AXL: variants seen among roughly 807,000 people sequenced by gnomAD.
The protein encoded by AXL is AXL receptor tyrosine kinase.
In AXL, 52 loss-of-function variants were observed where a neutral mutation model predicts 104.5. The observed-to-expected ratio is 0.50, with a 90% CI of 0.40 to 0.63. The LOEUF (loss-of-function observed/expected upper bound fraction) is 0.63, where lower values mean the gene tolerates loss of function less well. Ranked by LOEUF, AXL falls within the 20% of genes least tolerant of loss-of-function variation. The pLI is 0.00. For missense variants in AXL, 1,024 were observed against 1,188.5 expected (o/e 0.86, Z 2.04); for synonymous variants, 455 against 473.7 (o/e 0.96, Z 0.51).
At chr19:41,231,392 G>C (rs1214627883) in intron 6 of AXL, 94 bp downstream of exon 6, 1 of 1,172,270 alleles carries the variant, frequency 8.5e-7, no homozygotes, top group African/African-American at 1.5e-5. Flanking sequence ...ACCACTTCTC[G>C]GCCACTGTTG....
At chr19:41,225,850 G>T (rs572935516) in intron 4 of AXL, among the ~76,000 whole-genome samples, 60 of 152,128 alleles carry the variant, frequency 3.9e-4, no homozygotes, top group Admixed American at 1.1e-3. Flanking sequence ...TGTGTGGGGG[G>T]GTTTGCTGTG....
chr19:41,221,093 C>A, intron 2 of AXL, 53 bp from the exon 3 acceptor site: 2 of 1,525,648 alleles, frequency 1.3e-6, no homozygotes, highest in Non-Finnish European at 1.8e-6. Context: ...AGACCCCCTC[C>A]CAGTGTCCAG....
chr19:41,259,455 C>G (rs1328458453), intron 19 of AXL, 98 bp from the exon 20 acceptor site: 12 of 1,044,460 alleles, frequency 1.1e-5, no homozygotes, highest in African/African-American at 1.6e-5. Context: ...TCTAAAATGC[C>G]CCCAGTCCCC....
rs2034506266 is a variant in AXL, at chr19:41,259,716, C to T, written c.2497C>T (p.Pro833Ser). The stretch of plus-strand genomic sequence containing the variant: ...GGATGAGGGTGGAGGTTATCCTGAA[C>T]CCCCTGGAGCTGCAGGAGGAGCTGA... Reference protein sequence around the residue: ...NMDEGGGYPEPPGAAGGADPP... With the variant: ...NMDEGGGYPESPGAAGGADPP... The change falls in exon 20 of 20, where the codon CCC (proline) becomes TCC (serine). Residue 833 changes from proline (P) to serine (S), a missense_variant. By Grantham distance (74) the Pro-to-Ser change is moderately conservative. Around this residue, in one of 5 missense-constraint regions of AXL, gnomAD observed 523 missense variants for 636.0 expected, o/e 0.82. Coordinates refer to ENST00000301178, the MANE Select transcript of AXL (RefSeq NM_021913.5). 2 of 1,613,938 alleles carry T rather than the reference C, an allele frequency of 1.2e-6. No individual in the cohort carries two copies. Among genetic ancestry groups the T allele is most frequent in the East Asian group, 2.2e-5 (1 of 44,890 alleles).
chr19:41,230,839 C>T (rs1430313462), intron 4 of AXL, 128 bp from the exon 5 acceptor site: 2 of 916,066 alleles, frequency 2.2e-6, no homozygotes, highest in Non-Finnish European at 3.5e-6. Flanking sequence ...ACCCTCCCTT[C>T]AGGCAAGTGC....
intron 6 of AXL, 135 bp downstream of exon 6, chr19:41,231,433 G>GTTTTTTA: frequency 2.0e-5 from 16 of 817,446 alleles, no homozygotes; most frequent in Middle Eastern, 2.3e-4. Context: ...GGTTAAGCCA[G>GTTTTTTA]ATGTCCTGGG....
Position 41,230,973 on chromosome 19 carries a change from A to G in AXL, c.593A>G (p.Asn198Ser). 6.2e-7 allele frequency: 1 copy of G among 1,613,816 alleles called. No individual in the cohort carries two copies. The change falls in exon 5 of 20, where the codon AAC becomes AGC. Residue 198 changes from asparagine (N) to serine (S), a missense_variant. Transcript: ENST00000301178. ...CCCTCATATGACTCCCTAGGGCTGAACAAGACATCCTCTTTCTCCTGCGAA... is the reference window on the plus strand; with the variant it reads ...CCCTCATATGACTCCCTAGGGCTGAGCAAGACATCCTCTTTCTCCTGCGAA... ...PQRSLHVPGL[N>S]KTSSFSCEAH...
In AXL at chr19:41,260,805, G is replaced by A. The variant is rs531525361; in HGVS notation, c.*901G>A. On this transcript the variant is annotated 3_prime_UTR_variant, in exon 20 of 20. Coordinates refer to ENST00000301178, the MANE Select transcript of AXL (RefSeq NM_021913.5). The stretch of plus-strand genomic sequence containing the variant: ...AAAATGTAAGATTATAGATTCTAAA[G>A]ATTCTATAGTTCTAGACATGGAGGT... The A allele has an allele frequency of 2.0e-5, 3 of 152,174 alleles. No homozygotes were observed. The highest frequency in any genetic ancestry group is 2.0e-4 in the Admixed American group (3 of 15,282). The allele number at this position is 152,174 out of a possible 1,614,324, so 9.4% of individuals were successfully genotyped here. A position where few individuals can be genotyped will look rare whatever the true frequency, so the allele number is the denominator to read the frequency against.
At chr19:41,230,411 G>C (rs1016300963) in intron 4 of AXL, among the ~76,000 whole-genome samples, 1 of 151,186 alleles carries the variant, frequency 6.6e-6, no homozygotes, top group African/African-American at 2.4e-5. Context: ...CTCTATCTGG[G>C]GTGTAAGAGT....
At chr19:41,244,747 T>TC (rs2122253035) in intron 12 of AXL, among the ~76,000 whole-genome samples, 1 of 152,200 alleles carries the variant, frequency 6.6e-6, no homozygotes, top group South Asian at 2.1e-4. Flanking sequence ...TGCCTTGGCC[T>TC]CCCAAAGTGC....
intron 4 of AXL, among the ~76,000 whole-genome samples, chr19:41,230,128 A>AGT (rs1001599324): frequency 3.6e-5 from 5 of 139,948 alleles, no homozygotes; most frequent in African/African-American, 1.4e-4. Context: ...TGTGAGACAC[A>AGT]GTGTGTGTGT....
chr19:41,249,764 A>G (rs1278974848), intron 14 of AXL, among the ~76,000 whole-genome samples: 1 of 151,962 alleles, frequency 6.6e-6, no homozygotes, highest in Non-Finnish European at 1.5e-5. Flanking sequence ...TGAAAAAAAA[A>G]AAAAATTAAA....
chr19:41,244,934 ATT>A lies in AXL; in HGVS notation c.1537+1242_1537+1243del, dbSNP rs34355478. Among the ~76,000 whole-genome samples the A allele has an allele frequency of 6.9e-3, 973 of 141,328 alleles. 11 individuals are homozygous for A. The highest frequency in any genetic ancestry group is 0.021 in the African/African-American group (824 of 38,694). 92.7% of individuals were successfully genotyped at this position (141,328 alleles called of 152,430 possible). ...GTACTTTTGCTCTGAAGTCTATACT[ATT>A]TTTTTTTTTTTTTTGATAGAATCTT... On this transcript the variant is annotated intron_variant, in intron 12 of 19. Coordinates refer to ENST00000301178, the MANE Select transcript of AXL (RefSeq NM_021913.5).
chr19:41,253,740 A>G (rs1019144724), intron 17 of AXL, 32 bp downstream of exon 17: 8 of 1,405,044 alleles, frequency 5.7e-6, no homozygotes, highest in Admixed American at 1.8e-5. Context: ...CCCCCCCCCA[A>G]CTGCTCCTGC....
In AXL at chr19:41,252,452, G is replaced by C. The variant is rs1006498356; in HGVS notation, c.1804+9G>C. 1.2e-5 allele frequency: 20 copies of C among 1,613,576 alleles called. No homozygotes were observed. Among genetic ancestry groups the C allele is most frequent in the Non-Finnish European group, 1.5e-5 (18 of 1,179,670 alleles). On this transcript the variant is annotated intron_variant, in intron 15 of 19. Coordinates refer to ENST00000301178, the MANE Select transcript of AXL (RefSeq NM_021913.5). ...CGTCATGAGGCTCATCGGTGAGAGA[G>C]GGGCAGATTCAAGGGGTCTACAAGC...
intron 4 of AXL, among the ~76,000 whole-genome samples, chr19:41,229,275 T>C (rs896816741): frequency 4.6e-5 from 7 of 151,562 alleles, no homozygotes; most frequent in African/African-American, 1.7e-4. Flanking sequence ...TTATTTTTAG[T>C]TTTTTTGAGA....
Position 41,243,673 on chromosome 19 carries a change from C to G in AXL, c.1503C>G (p.Arg501=). Residue 501 remains arginine (R), a synonymous_variant, in exon 12 of 20, where the codon CGC becomes CGG. Coordinates refer to ENST00000301178, the MANE Select transcript of AXL (RefSeq NM_021913.5). ...RGELVVRYRV[R]KSYSRRTTEA... ...AACTGGTAGTCAGGTACCGCGTGCGCAAGTCCTACAGTCGTCGGACCACTG... is the reference window on the plus strand; with the variant it reads ...AACTGGTAGTCAGGTACCGCGTGCGGAAGTCCTACAGTCGTCGGACCACTG... The G allele has an allele frequency of 6.2e-7, 1 of 1,614,088 alleles. No individual in the cohort carries two copies. The highest frequency in any genetic ancestry group is 1.3e-5 in the African/African-American group (1 of 75,008).
chr19:41,232,143 G>C (rs551192074), intron 6 of AXL, among the ~76,000 whole-genome samples: 5 of 152,156 alleles, frequency 3.3e-5, no homozygotes, highest in Non-Finnish European at 1.5e-5. Flanking sequence ...CTGGGGATGG[G>C]TCTGTCCCCT....
chr19:41,222,409 G>C (rs1419435804), intron 4 of AXL, among the ~76,000 whole-genome samples: 1 of 152,034 alleles, frequency 6.6e-6, no homozygotes, highest in East Asian at 1.9e-4. Context: ...TCCATGGCTC[G>C]AGTGCGTGTG....
Sources: gnomAD v4.1 joint callset for allele counts (sites outside exome capture counted in the v4.1 genomes callset) on GRCh38, gnomAD v4.1.1 for gene constraint, gnomAD v4.1.1 regional missense constraint, MANE v1.5 for transcripts, NCBI Gene and HGNC (gene_info 2026-07-23, HGNC 2026-07-21) for gene names.